AHI1: variants seen among roughly 807,000 people sequenced by gnomAD.
The protein encoded by AHI1 is jouberin.
In AHI1, 123 loss-of-function variants were observed where a neutral mutation model predicts 149.3. The observed-to-expected ratio is 0.82, with a 90% confidence interval of 0.71 to 0.96. The LOEUF (loss-of-function observed/expected upper bound fraction) is 0.96. Among genes scored for constraint, AHI1 ranks in the 40% least tolerant of loss-of-function variants. AHI1 has a pLI of 0.00. For missense variants in AHI1, 1,439 were observed against 1,422.7 expected (o/e 1.01, Z -0.18); for synonymous variants, 475 against 459.8 (o/e 1.03, Z -0.42).
intron 14 of AHI1, among the ~76,000 whole-genome samples, chr6:135,439,058 A>T (rs1440117980): frequency 1.3e-5 from 2 of 152,216 alleles, no homozygotes; most frequent in Non-Finnish European, 2.9e-5. Context: ...ATGAAATCTA[A>T]GATAGTAACA....
chr6:135,491,593 T>A (rs900337370), intron 4 of AHI1, among the ~76,000 whole-genome samples: 1 of 152,222 alleles, frequency 6.6e-6, no homozygotes, highest in East Asian at 1.9e-4. Flanking sequence ...TATTTTTATA[T>A]CTATATAAAG....
intron 28 of AHI1, among the ~76,000 whole-genome samples, chr6:135,287,170 G>A (rs1781788730): frequency 6.6e-6 from 1 of 152,176 alleles, no homozygotes. Flanking sequence ...GGAAATTAGT[G>A]AGATGGATCC....
intron 24 of AHI1, among the ~76,000 whole-genome samples, chr6:135,333,588 A>G (rs1229903113): frequency 1.3e-5 from 2 of 152,258 alleles, no homozygotes; most frequent in African/African-American, 4.8e-5. Context: ...TGTATCAGAT[A>G]AATGATCTGT....
intron 21 of AHI1, among the ~76,000 whole-genome samples, chr6:135,407,753 C>T (rs1197674713): frequency 2.0e-5 from 3 of 152,110 alleles, no homozygotes; most frequent in Admixed American, 2.0e-4. Flanking sequence ...TGGCTCATGC[C>T]TGTAATCCCA....
chr6:135,300,979 G>T, intron 26 of AHI1: 4 of 984,792 alleles, frequency 4.1e-6, no homozygotes, highest in Non-Finnish European at 4.8e-6. Flanking sequence ...TGATCTGTAT[G>T]CAAGAGTTTG....
chr6:135,317,374 A>G (rs1264625737), intron 26 of AHI1, among the ~76,000 whole-genome samples: 3 of 151,212 alleles, frequency 2.0e-5, no homozygotes, highest in Non-Finnish European at 2.9e-5. Context: ...ATGCCCAGAC[A>G]TAATCATACC....
chr6:135,392,918 T>C (rs1391670631), intron 23 of AHI1, among the ~76,000 whole-genome samples: 1 of 152,188 alleles, frequency 6.6e-6, no homozygotes, highest in Non-Finnish European at 1.5e-5. Context: ...AGAGATTAAT[T>C]TGGCCATTTT....
intron 5 of AHI1, among the ~76,000 whole-genome samples, chr6:135,468,057 G>A (rs1371128614): frequency 6.6e-6 from 1 of 152,060 alleles, no homozygotes; most frequent in Non-Finnish European, 1.5e-5. Flanking sequence ...AATATCCAAT[G>A]TATATAAAAA....
rs776505818 is a variant in AHI1 at position 135,490,705 on chromosome 6, T to C, written c.53A>G (p.Glu18Gly). ...AKVKTKVRFE[E>G]LLKTHSDLMR... ...TAGATCACTGTGGGTCTTAAGCAAT[T>C]CTTCAAAGCGAACTTTGGTTTTTAC... The change falls in exon 5 of 29, where the codon GAA becomes GGA. Residue 18 changes from glutamate to glycine, a missense_variant. Physicochemically the swap from Glu to Gly is moderately conservative, Grantham distance 98 (BLOSUM62 -2). Transcript: ENST00000265602. 1.2e-5 allele frequency: 20 copies of C among 1,613,202 alleles called. No homozygotes were observed. In the Middle Eastern group the frequency reaches 5.0e-4, roughly 40 times the overall value.
At chr6:135,446,612 A>G (rs1316348154) in intron 13 of AHI1, among the ~76,000 whole-genome samples, 1 of 152,150 alleles carries the variant, frequency 6.6e-6, no homozygotes, top group Non-Finnish European at 1.5e-5. Flanking sequence ...CCACCATGTG[A>G]GAATATAGTG....
intron 5 of AHI1, among the ~76,000 whole-genome samples, chr6:135,479,558 A>C (rs1353022680): frequency 5.3e-5 from 8 of 152,204 alleles, no homozygotes; most frequent in Admixed American, 5.2e-4. Context: ...CCCTGTCCCC[A>C]CATTGTATCT....
chr6:135,407,283 A>G (rs1291782848), intron 21 of AHI1, among the ~76,000 whole-genome samples: 1 of 152,208 alleles, frequency 6.6e-6, no homozygotes, highest in East Asian at 1.9e-4. Flanking sequence ...AAATAAATAA[A>G]AAAAGGAATT....
At chr6:135,424,821 T>A (rs907345754) in intron 20 of AHI1, among the ~76,000 whole-genome samples, 2 of 152,156 alleles carry the variant, frequency 1.3e-5, no homozygotes, top group Middle Eastern at 3.4e-3. Flanking sequence ...CTGATAATTT[T>A]TTTTAAACAC....
intron 4 of AHI1, among the ~76,000 whole-genome samples, chr6:135,491,649 T>G (rs1184855610): frequency 6.6e-6 from 1 of 152,206 alleles, no homozygotes; most frequent in Admixed American, 6.5e-5. Context: ...CAGCTACTAT[T>G]ATGAGGTCTG....
rs756668771 is a variant in AHI1, at chr6:135,411,538, T to C, written c.2771A>G (p.Gln924Arg). The C allele has an allele frequency of 3.6e-5, 56 of 1,568,602 alleles. 2 individuals carry two copies. The South Asian group carries it at 5.6e-4, about 16-fold the overall frequency. ...GCGTTTGAACATTTCAGCCTCCTGC[T>C]GGGCAACTGAAGAAATGAATCCATA... ...LLYIYDFHVA[Q>R]QEAEMFKRYN... Residue 924 changes from glutamine (Q) to arginine (R), a missense_variant, in exon 21 of 29, where the codon CAG (glutamine) becomes CGG (arginine). Transcript: ENST00000265602.
At chr6:135,460,810 CA>C (rs1243885275) in intron 8 of AHI1, among the ~76,000 whole-genome samples, 1 of 152,112 alleles carries the variant, frequency 6.6e-6, no homozygotes, top group Non-Finnish European at 1.5e-5. Flanking sequence ...AGTGACACTG[CA>C]ACACAGAGGG....
intron 27 of AHI1, among the ~76,000 whole-genome samples, chr6:135,299,210 T>C (rs572432753): frequency 3.9e-5 from 6 of 152,346 alleles, no homozygotes; most frequent in Non-Finnish European, 7.4e-5. Flanking sequence ...AGATCATGAT[T>C]CTGTGACTCT....
chr6:135,393,769 T>C (rs920643832), intron 23 of AHI1, among the ~76,000 whole-genome samples: 1 of 152,094 alleles, frequency 6.6e-6, no homozygotes, highest in Non-Finnish European at 1.5e-5. Flanking sequence ...ACCTTATGCT[T>C]ATAGTGTTTT....
At position 135,419,485 on chromosome 6, in the gene AHI1, TATATCTCAATAAAGAA is replaced by T. The variant is rs1194178338; in HGVS notation, c.2764+7666_2764+7681del. Among the ~76,000 whole-genome samples, 36 of 152,014 alleles carry T rather than the reference TATATCTCAATAAAGAA, an allele frequency of 2.4e-4. 1 individual carries two copies. The highest frequency in any genetic ancestry group is 8.4e-4 in the African/African-American group (35 of 41,474). ...GGTTTCAGACTACTGCAATAAAGCA[TATATCTCAATAAAGAA>T]AGTCATATGTTTTTAATTTTCTAGT... On this transcript the variant is annotated intron_variant, in intron 20 of 28. Coordinates refer to ENST00000265602, the MANE Select transcript of AHI1 (RefSeq NM_001134831.2).
Sources: allele counts gnomAD v4.1 joint callset (sites outside exome capture counted in the v4.1 genomes callset), GRCh38; gene constraint gnomAD v4.1.1; transcripts MANE v1.5; gene names NCBI Gene and HGNC (gene_info 2026-07-23, HGNC 2026-07-21).